The following DNAJC1 variants were observed in gnomAD, a reference collection of about 807,000 sequenced individuals.
DNAJC1 encodes the protein DnaJ heat shock protein family (Hsp40) member C1.
In DNAJC1, 58 loss-of-function variants were observed where a neutral mutation model predicts 76.6. The ratio of observed to expected loss-of-function variants is 0.76; its 90% CI spans 0.61 to 0.94. The LOEUF is 0.94. Among genes scored for constraint, DNAJC1 ranks in the 40% least tolerant of loss-of-function variants. The pLI is 0.00. For missense variants in DNAJC1, 689 were observed against 677.3 expected, an observed-to-expected ratio of 1.02 and a Z score of -0.19; for synonymous variants, 258 against 267.9, an observed-to-expected ratio of 0.96 and a Z score of 0.36.
intron 8 of DNAJC1, among the ~76,000 whole-genome samples, chr10:21,839,052 T>A (rs1835523502): frequency 6.6e-6 from 1 of 152,102 alleles, no homozygotes; most frequent in African/African-American, 2.4e-5. Flanking sequence ...TTGAAACCAA[T>A]GAGAACAAAG....
intron 1 of DNAJC1, among the ~76,000 whole-genome samples, chr10:21,964,589 T>C (rs1420339341): frequency 1.3e-5 from 2 of 152,150 alleles, no homozygotes; most frequent in Non-Finnish European, 2.9e-5. Context: ...TTAGGATTTA[T>C]CTATATATTA....
chr10:21,969,583 T>C (rs1482832304), intron 1 of DNAJC1, among the ~76,000 whole-genome samples: 1 of 152,204 alleles, frequency 6.6e-6, no homozygotes, highest in African/African-American at 2.4e-5. Flanking sequence ...TATTTTCATT[T>C]TCAGGTATGT....
intron 8 of DNAJC1, among the ~76,000 whole-genome samples, chr10:21,814,042 T>C (rs1486394096): frequency 6.6e-6 from 1 of 152,194 alleles, no homozygotes; most frequent in African/African-American, 2.4e-5. Flanking sequence ...TTTACAGTTT[T>C]TGACAGTTTT....
At chr10:21,908,037 T>TA (rs34127205) in intron 6 of DNAJC1, among the ~76,000 whole-genome samples, 2 of 111,518 alleles carry the variant, frequency 1.8e-5, no homozygotes, top group African/African-American at 3.6e-5. Context: ...ATATATAATA[T>TA]AATATAATAT....
intron 8 of DNAJC1, among the ~76,000 whole-genome samples, chr10:21,847,710 T>C (rs1415093701): frequency 2.0e-5 from 3 of 152,182 alleles, no homozygotes; most frequent in Non-Finnish European, 4.4e-5. Flanking sequence ...GTGCATGGCT[T>C]ATTAAAATTA....
chr10:21,910,582 G>A (rs1403233662), intron 6 of DNAJC1, among the ~76,000 whole-genome samples: 2 of 151,748 alleles, frequency 1.3e-5, no homozygotes, highest in Non-Finnish European at 2.9e-5. Context: ...AACACTGCAT[G>A]TTCTCACTCA....
chr10:21,790,010 T>TAAAAAA (rs35639440), intron 9 of DNAJC1, among the ~76,000 whole-genome samples: 8 of 41,094 alleles, frequency 1.9e-4, no homozygotes, highest in African/African-American at 5.9e-4. Flanking sequence ...GCTCTGTCTT[T>TAAAAAA]AAAAAAAAAA....
At chr10:21,956,819 AACAC>A (rs3051926) in intron 1 of DNAJC1, among the ~76,000 whole-genome samples, 6,342 of 141,830 alleles carry the variant, frequency 0.045, 157 homozygotes, top group East Asian at 0.084. Context: ...GTTTATACAT[AACAC>A]ACACACACAC....
chr10:21,855,578 AATG>A (rs1835821493), intron 8 of DNAJC1, among the ~76,000 whole-genome samples: 1 of 152,202 alleles, frequency 6.6e-6, no homozygotes, highest in African/African-American at 2.4e-5. Flanking sequence ...TGATATTATC[AATG>A]ATGAATACAA....
At chr10:21,904,001 C>T (rs1013326148) in intron 7 of DNAJC1, among the ~76,000 whole-genome samples, 32 of 152,262 alleles carry the variant, frequency 2.1e-4, no homozygotes, top group African/African-American at 7.7e-4. Flanking sequence ...ATATGTTCAA[C>T]TTTTCCTAAA....
intron 9 of DNAJC1, among the ~76,000 whole-genome samples, chr10:21,786,918 A>C (rs1834618831): frequency 6.6e-6 from 1 of 152,218 alleles, no homozygotes; most frequent in South Asian, 2.1e-4. Flanking sequence ...ATTTTACAAT[A>C]AAGGAGGGAG....
chr10:21,842,039 C>G (rs572611806), intron 8 of DNAJC1, among the ~76,000 whole-genome samples: 29 of 136,198 alleles, frequency 2.1e-4, no homozygotes, highest in Middle Eastern at 9.0e-3. Flanking sequence ...TAGGTGGGAA[C>G]TGAACAATGA....
chr10:21,853,532 A>G (rs1038988532), intron 8 of DNAJC1, among the ~76,000 whole-genome samples: 1 of 152,074 alleles, frequency 6.6e-6, no homozygotes, highest in African/African-American at 2.4e-5. Context: ...CGGTAAAAAA[A>G]GTTATTTCCT....
At chr10:21,870,821 A>G (rs1836091132) in intron 8 of DNAJC1, among the ~76,000 whole-genome samples, 1 of 151,992 alleles carries the variant, frequency 6.6e-6, no homozygotes. Flanking sequence ...CAAAATACAG[A>G]CAGACAGAAA....
chr10:21,911,566 A>G (rs1360661700), intron 6 of DNAJC1, among the ~76,000 whole-genome samples: 1 of 152,202 alleles, frequency 6.6e-6, no homozygotes, highest in Non-Finnish European at 1.5e-5. Flanking sequence ...CTGGTCTGAG[A>G]CTGTAATATT....
intron 8 of DNAJC1, among the ~76,000 whole-genome samples, chr10:21,830,177 T>A (rs1266939891): frequency 6.6e-6 from 1 of 152,218 alleles, no homozygotes; most frequent in African/African-American, 2.4e-5. Flanking sequence ...TTTATCAACA[T>A]GATTTCCCTG....
intron 7 of DNAJC1, among the ~76,000 whole-genome samples, chr10:21,898,398 C>T (rs922589176): frequency 3.9e-5 from 6 of 152,074 alleles, no homozygotes; most frequent in Admixed American, 6.6e-5. Context: ...AAAGTCATGG[C>T]GCAATGCATT....
At chr10:21,847,790 T>A (rs1235030870) in intron 8 of DNAJC1, among the ~76,000 whole-genome samples, 2 of 152,160 alleles carry the variant, frequency 1.3e-5, no homozygotes, top group Non-Finnish European at 2.9e-5. Context: ...CATGGTTGAA[T>A]GATATTCCAT....
chr10:21,972,918 T>C (rs1173670296), intron 1 of DNAJC1, among the ~76,000 whole-genome samples: 1 of 152,100 alleles, frequency 6.6e-6, no homozygotes, highest in Non-Finnish European at 1.5e-5. Flanking sequence ...TTCAAAAGAA[T>C]AGAAAGCTGA....
Sources: allele counts gnomAD v4.1 joint callset (sites outside exome capture counted in the v4.1 genomes callset), GRCh38; gene constraint gnomAD v4.1.1; transcripts MANE v1.5; gene names NCBI Gene and HGNC (gene_info 2026-07-23, HGNC 2026-07-21).